Variants in STAT5B observed in about 807,000 individuals in gnomAD.
STAT5B encodes the protein signal transducer and activator of transcription 5B.
STAT5B carries 21 observed loss-of-function variants against 107.8 expected under a neutral mutation model. The ratio of observed to expected loss-of-function variants is 0.19; its 90% CI spans 0.14 to 0.28. The LOEUF is 0.28. Ranked by LOEUF, STAT5B falls within the 10% of genes least tolerant of loss-of-function variation. The pLI is 1.00. For synonymous variants in STAT5B, 325 were observed against 401.7 expected (o/e 0.81, Z 2.28); for missense variants, 565 against 1,008.2 (o/e 0.56, Z 5.95).
chr17:42,206,365 C>T (rs765857402), intron 16 of STAT5B, among the ~76,000 whole-genome samples: 15 of 151,686 alleles, frequency 9.9e-5, no homozygotes, highest in Non-Finnish European at 1.9e-4. Context: ...TCTGGGATTA[C>T]AGGCATGAGC....
intron 1 of STAT5B, among the ~76,000 whole-genome samples, chr17:42,252,692 G>A (rs1051284808): frequency 2.6e-5 from 4 of 152,096 alleles, no homozygotes; most frequent in Non-Finnish European, 5.9e-5. Context: ...AAACCATGAC[G>A]GAGGTTTTGA....
chr17:42,244,774 G>A (rs2080436733), intron 1 of STAT5B, among the ~76,000 whole-genome samples: 1 of 152,060 alleles, frequency 6.6e-6, no homozygotes, highest in Non-Finnish European at 1.5e-5. Flanking sequence ...TAACCAAAAT[G>A]TCCAAAATAG....
At chr17:42,284,140 AC>A in the STAT5B span, among the ~76,000 whole-genome samples, 1 of 150,986 alleles carries the variant, frequency 6.6e-6, no homozygotes, top group African/African-American at 2.4e-5. Context: ...ACCTCCCTCC[AC>A]CCCCCAAGGA....
chr17:42,265,554 T>C (rs2080663356), intron 1 of STAT5B, among the ~76,000 whole-genome samples: 2 of 151,964 alleles, frequency 1.3e-5, no homozygotes, highest in African/African-American at 4.8e-5. Flanking sequence ...GGTTTCACCA[T>C]GTTGGCCGGG....
At chr17:42,266,294 G>A (rs1020266668) in intron 1 of STAT5B, among the ~76,000 whole-genome samples, 1 of 152,002 alleles carries the variant, frequency 6.6e-6, no homozygotes, top group African/African-American at 2.4e-5. Context: ...TCTGGAGGCT[G>A]AGGTGGGAGG....
intron 5 of STAT5B, 31 bp downstream of exon 5, chr17:42,223,351 A>T (rs746404222): frequency 1.2e-6 from 2 of 1,613,970 alleles, no homozygotes; most frequent in Admixed American, 3.3e-5. Context: ...CCAATCCTCA[A>T]GTTGCACAAT....
chr17:42,266,949 C>CA (rs1346475487), intron 1 of STAT5B, among the ~76,000 whole-genome samples: 1 of 152,210 alleles, frequency 6.6e-6, no homozygotes, highest in East Asian at 1.9e-4. Flanking sequence ...TGACTACACT[C>CA]AGAGTTTCCA....
At chr17:42,257,995 A>G (rs1237582815) in intron 1 of STAT5B, among the ~76,000 whole-genome samples, 1 of 152,234 alleles carries the variant, frequency 6.6e-6, no homozygotes, top group African/African-American at 2.4e-5. Flanking sequence ...AATCAAAAGA[A>G]TGACTCCTTA....
At chr17:42,287,337 C>A in the STAT5B span, among the ~76,000 whole-genome samples, 4 of 151,036 alleles carry the variant, frequency 2.6e-5, no homozygotes, top group East Asian at 3.9e-4. Context: ...TGCACCCCCC[C>A]CAACAGAACA....
intron 5 of STAT5B, among the ~76,000 whole-genome samples, chr17:42,221,426 G>A (rs1382717163): frequency 6.6e-6 from 1 of 152,140 alleles, no homozygotes; most frequent in Non-Finnish European, 1.5e-5. Flanking sequence ...GCCTTCCCTG[G>A]CAAAAGCAGA....
At chr17:42,205,674 C>T (rs534562302) in intron 16 of STAT5B, among the ~76,000 whole-genome samples, 1 of 152,242 alleles carries the variant, frequency 6.6e-6, no homozygotes, top group Non-Finnish European at 1.5e-5. Context: ...CCTTGGGGGA[C>T]TGAGGAAGGA....
At chr17:42,218,521 A>C (rs543438518) in intron 8 of STAT5B, among the ~76,000 whole-genome samples, 191 bp from the exon 9 acceptor site, 5 of 152,234 alleles carry the variant, frequency 3.3e-5, no homozygotes, top group South Asian at 2.1e-4. Context: ...GATAACACAG[A>C]AGCTGGCATG....
chr17:42,223,619 C>T (rs2080249284), intron 4 of STAT5B, 63 bp from the exon 5 acceptor site: 1 of 1,591,018 alleles, frequency 6.3e-7, no homozygotes, highest in Non-Finnish European at 8.6e-7. Context: ...GGCCTTAATC[C>T]CCAGGAAAAG....
chr17:42,248,271 T>TA (rs2080468649), intron 1 of STAT5B, among the ~76,000 whole-genome samples: 1 of 82,122 alleles, frequency 1.2e-5, no homozygotes, highest in Admixed American at 1.4e-4. Context: ...TAAGATCTTG[T>TA]CCAAAAAAAA....
intron 16 of STAT5B, among the ~76,000 whole-genome samples, chr17:42,205,256 C>T (rs888085096): frequency 1.3e-5 from 2 of 152,078 alleles, no homozygotes; most frequent in Admixed American, 6.6e-5. Context: ...GTCTCAAACT[C>T]CTGACCTCAA....
chr17:42,245,434 C>A (rs1352475628), intron 1 of STAT5B, among the ~76,000 whole-genome samples: 4 of 151,632 alleles, frequency 2.6e-5, no homozygotes, highest in Non-Finnish European at 5.9e-5. Flanking sequence ...TCACTGCAAC[C>A]CCCACCTCTC....
In STAT5B at chr17:42,262,341, G is replaced by A. The variant is rs536124016; in HGVS notation, c.-11+13907C>T. 7.2e-5 allele frequency among the ~76,000 whole-genome samples: 11 copies of A among 152,188 alleles called. 1 individual carries two copies. In the South Asian group the frequency reaches 8.3e-4, roughly 11 times the overall value. ...CCCCGTGCTAATATTTTTATTTTTC[G>A]TAGAGATGGGGTCTTGCTATGTTGT... is the stretch of plus-strand genomic sequence containing the variant. On this transcript the variant is annotated intron_variant, in intron 1 of 18. Transcript: ENST00000293328.
intron 16 of STAT5B, among the ~76,000 whole-genome samples, chr17:42,206,111 T>C (rs2144205542): frequency 6.6e-6 from 1 of 152,298 alleles, no homozygotes; most frequent in South Asian, 2.1e-4. Flanking sequence ...GTCACCAGAC[T>C]GGAATGCAGT....
intron 1 of STAT5B, among the ~76,000 whole-genome samples, chr17:42,235,634 C>T (rs185603087): frequency 6.6e-6 from 1 of 152,074 alleles, no homozygotes; most frequent in African/African-American, 2.4e-5. Context: ...CACACCGCCA[C>T]GCCCAGCTAA....
Sources: gnomAD v4.1 joint callset for allele counts (sites outside exome capture counted in the v4.1 genomes callset) on GRCh38, gnomAD v4.1.1 for gene constraint, MANE v1.5 for transcripts, NCBI Gene and HGNC (gene_info 2026-07-23, HGNC 2026-07-21) for gene names.